The following HHAT variants were observed in gnomAD, a reference collection of about 807,000 sequenced individuals.
HHAT encodes protein-cysteine N-palmitoyltransferase HHAT.
HHAT carries 47 observed loss-of-function variants against 70.8 expected under a neutral mutation model. The ratio of observed to expected loss-of-function variants is 0.66; its 90% CI spans 0.53 to 0.85. HHAT has a LOEUF of 0.85. Among genes scored for constraint, HHAT ranks in the 40% least tolerant of loss-of-function variants. The pLI is 0.00. For missense variants in HHAT, 609 were observed against 604.8 expected, an observed-to-expected ratio of 1.01 and a Z score of -0.07; for synonymous variants, 228 against 247.6, an observed-to-expected ratio of 0.92 and a Z score of 0.74.
intron 9 of HHAT, among the ~76,000 whole-genome samples, chr1:210,577,970 T>G (rs1024681587): frequency 1.3e-5 from 2 of 152,092 alleles, no homozygotes; most frequent in African/African-American, 4.8e-5. Context: ...TAATGATGTC[T>G]TTGTCTGGCT....
chr1:210,409,955 T>A (rs755753526), intron 6 of HHAT, among the ~76,000 whole-genome samples: 1 of 152,158 alleles, frequency 6.6e-6, no homozygotes, highest in Non-Finnish European at 1.5e-5. Flanking sequence ...ATGTCTTAAA[T>A]GAAATACTTT....
At chr1:210,666,005 C>T (rs1347047329) in intron 11 of HHAT, among the ~76,000 whole-genome samples, 1 of 152,194 alleles carries the variant, frequency 6.6e-6, no homozygotes, top group Non-Finnish European at 1.5e-5. Flanking sequence ...TGCATGTAGA[C>T]AGAGACTATG....
chr1:210,475,024 TG>T (rs2094282365), intron 8 of HHAT, among the ~76,000 whole-genome samples: 1 of 102,910 alleles, frequency 9.7e-6, no homozygotes, highest in African/African-American at 4.8e-5. Context: ...CTATTTTTTT[TG>T]TTTTTTTTTA....
chr1:210,531,929 G>A (rs376830117), intron 9 of HHAT, among the ~76,000 whole-genome samples: 1 of 152,326 alleles, frequency 6.6e-6, no homozygotes, highest in African/African-American at 2.4e-5. Context: ...ACACCAACAG[G>A]TGATGATTCC....
intron 7 of HHAT, among the ~76,000 whole-genome samples, chr1:210,437,096 G>A (rs1023046369): frequency 2.0e-5 from 3 of 151,808 alleles, no homozygotes; most frequent in Admixed American, 2.0e-4. Context: ...TAGGTTATGG[G>A]TAAGAGCACC....
intron 11 of HHAT, among the ~76,000 whole-genome samples, chr1:210,656,877 G>T (rs1208880243): frequency 6.6e-6 from 1 of 152,168 alleles, no homozygotes; most frequent in Non-Finnish European, 1.5e-5. Flanking sequence ...ATGGCAAACT[G>T]CTTCCCCTCC....
intron 2 of HHAT, among the ~76,000 whole-genome samples, chr1:210,352,087 C>T (rs1329394419): frequency 3.9e-5 from 6 of 152,148 alleles, no homozygotes; most frequent in Non-Finnish European, 4.4e-5. Context: ...AAGCTTAAAC[C>T]TAAGACTTTA....
At chr1:210,463,133 G>A (rs2094015376) in intron 7 of HHAT, 1 of 131,708 alleles carries the variant, frequency 7.6e-6, no homozygotes, top group African/African-American at 3.0e-5. Flanking sequence ...CTTCATGTGA[G>A]TTTTCCTTTT....
intron 11 of HHAT, among the ~76,000 whole-genome samples, chr1:210,658,711 A>G (rs764891666): frequency 3.9e-5 from 6 of 152,214 alleles, no homozygotes; most frequent in Non-Finnish European, 7.3e-5. Context: ...AGCAAATGTA[A>G]AAGAAGAGAA....
chr1:210,374,061 A>G (rs921405894), intron 3 of HHAT: 1 of 152,350 alleles, frequency 6.6e-6, no homozygotes, highest in Non-Finnish European at 1.5e-5. Flanking sequence ...GTTCTGTTAC[A>G]CAATGTTTAA....
chr1:210,327,766 A>C (rs1268613961), upstream of HHAT, among the ~76,000 whole-genome samples: 3 of 149,176 alleles, frequency 2.0e-5, no homozygotes, highest in Non-Finnish European at 3.0e-5. Flanking sequence ...ACCGCTCCTA[A>C]AGTGCTGAGA....
At chr1:210,328,784 G>A (rs1349837447), upstream of HHAT, 37 of 356,728 alleles carry the variant, frequency 1.0e-4, no homozygotes, top group Non-Finnish European at 1.6e-4. Context: ...CCGCCGGCGG[G>A]GCAAACGCGG....
intron 6 of HHAT, among the ~76,000 whole-genome samples, chr1:210,413,152 A>G (rs1165952422): frequency 2.6e-5 from 4 of 152,258 alleles, no homozygotes; most frequent in Admixed American, 6.5e-5. Context: ...TCTCTGACTG[A>G]AAAGAACCAA....
intron 1 of HHAT, among the ~76,000 whole-genome samples, chr1:210,347,536 A>C (rs2086630241): frequency 6.6e-6 from 1 of 152,256 alleles, no homozygotes. Context: ...AAATGCGTTT[A>C]AATTTAGTGA....
Position 210,404,528 on chromosome 1 carries a change from T to C in HHAT, c.533T>C (p.Leu178Pro). 6.2e-7 allele frequency: 1 copy of C among 1,613,778 alleles called. No homozygotes were observed. Among genetic ancestry groups the C allele is most frequent in the Non-Finnish European group, 8.5e-7 (1 of 1,179,934 alleles). Residue 178 changes from leucine to proline, a missense_variant, in exon 6 of 12, where the codon CTG (leucine) becomes CCG (proline). Physicochemically the swap from Leu to Pro is moderately conservative, Grantham distance 98 (BLOSUM62 -3). Transcript: ENST00000261458. ...CAGTTCACGCTGACCGTTCGCTGCC[T>C]GTACTACACCAGCTTCAGCCTGGAG... The part of the protein sequence containing the change: ...LLQFTLTVRC[L>P]YYTSFSLELC...
chr1:210,606,099 G>C (rs560797244), intron 10 of HHAT, among the ~76,000 whole-genome samples: 2 of 151,904 alleles, frequency 1.3e-5, no homozygotes, highest in Non-Finnish European at 2.9e-5. Context: ...CTCAGGTCAG[G>C]TCCATCTGCC....
intron 3 of HHAT, among the ~76,000 whole-genome samples, chr1:210,380,530 A>T (rs2090550710): frequency 6.6e-6 from 1 of 152,042 alleles, no homozygotes; most frequent in African/African-American, 2.4e-5. Context: ...ACAGAGCAAG[A>T]CTCTGTCGCA....
chr1:210,544,391 T>TGTTTTTTTTTTTTTTTTTTTTTTTTTG (rs1553264934), intron 9 of HHAT, among the ~76,000 whole-genome samples: 1 of 99,288 alleles, frequency 1.0e-5, no homozygotes, highest in African/African-American at 3.3e-5. Flanking sequence ...TTTTTTTTTT[T>TGTTTTTTTTTTTTTTTTTTTTTTTTTG]GACACAGTTT....
At chr1:210,603,645 A>G (rs1258100868) in intron 10 of HHAT, among the ~76,000 whole-genome samples, 1 of 152,156 alleles carries the variant, frequency 6.6e-6, no homozygotes, top group Non-Finnish European at 1.5e-5. Flanking sequence ...TACAATGTGT[A>G]TTTATATATG....
Sources: allele counts gnomAD v4.1 joint callset (sites outside exome capture counted in the v4.1 genomes callset), GRCh38; gene constraint gnomAD v4.1.1; transcripts MANE v1.5; gene names NCBI Gene and HGNC (gene_info 2026-07-23, HGNC 2026-07-21).